The following UGT2B28 variants were observed in gnomAD, a reference collection of about 807,000 sequenced individuals.
UGT2B28 encodes UDP-glucuronosyltransferase 2B28.
In UGT2B28, 45 loss-of-function variants were observed where a neutral mutation model predicts 43.6. The ratio of observed to expected loss-of-function variants is 1.03; its 90% CI spans 0.81 to 1.32. The LOEUF is 1.32. Among genes scored for constraint, UGT2B28 ranks in the 40% most tolerant of loss-of-function variants. The pLI, the probability that UGT2B28 is intolerant of heterozygous loss-of-function variation, is 0.00. For synonymous variants in UGT2B28, 204 were observed against 208.1 expected (o/e 0.98, Z 0.17); for missense variants, 649 against 625.5 (o/e 1.04, Z -0.40).
chr4:69,282,525 A>C lies in UGT2B28; in HGVS notation c.733A>C (p.Thr245Pro), dbSNP rs2109683039. ...TTTATTCCTGTCAGGAAGACCCACT[A>C]CCTTATTTGAGACAATGGGGAAAGC... ...FYSEVLGRPT[T>P]LFETMGKADI... Residue 245 changes from threonine to proline, a missense_variant, in exon 2 of 6, where the codon ACC becomes CCC. Thr to Pro is a conservative substitution (Grantham distance 38). Coordinates refer to ENST00000335568, the MANE Select transcript of UGT2B28 (RefSeq NM_053039.2). 2 of 1,547,560 alleles carry C rather than the reference A, an allele frequency of 1.3e-6. No individual in the cohort carries two copies. The highest frequency in any genetic ancestry group is 2.4e-5 in the South Asian group (2 of 81,686).
chr4:69,293,953 G>A (rs1352410722), intron 5 of UGT2B28, among the ~76,000 whole-genome samples: 1 of 140,188 alleles, frequency 7.1e-6, no homozygotes, highest in Non-Finnish European at 1.5e-5. Context: ...AAGCCATGAG[G>A]TATGTCACTC....
At chr4:69,291,604 A>G (rs1295604611) in intron 5 of UGT2B28, among the ~76,000 whole-genome samples, 1 of 140,522 alleles carries the variant, frequency 7.1e-6, no homozygotes, top group East Asian at 2.0e-4. Context: ...GTAATATTTT[A>G]TAGTATGGAT....
chr4:69,285,159 C>T (rs1723733110), intron 2 of UGT2B28, among the ~76,000 whole-genome samples: 1 of 138,562 alleles, frequency 7.2e-6, no homozygotes, highest in Admixed American at 7.3e-5. Flanking sequence ...AATGTATATA[C>T]AATAAGATTG....
Position 69,282,565 on chromosome 4 carries a change from T to C in UGT2B28, c.773T>C (p.Met258Thr). Residue 258 changes from methionine to threonine, a missense_variant, in exon 2 of 6, where the codon ATG becomes ACG. Physicochemically the swap from Met to Thr is moderately conservative, Grantham distance 81. Transcript: ENST00000335568. ...ATGGGGAAAGCTGACATATGGCTTATGCGAAACTCCTGGAGTTTTCAATTT... is the reference window on the plus strand; with the variant it reads ...ATGGGGAAAGCTGACATATGGCTTACGCGAAACTCCTGGAGTTTTCAATTT... The part of the protein sequence containing the change: ...ETMGKADIWL[M>T]RNSWSFQFPH... The C allele has an allele frequency of 5.8e-6, 9 of 1,554,658 alleles. No homozygotes were observed. The highest frequency in any genetic ancestry group is 7.8e-6 in the Non-Finnish European group (9 of 1,153,510).
At chr4:69,284,031 C>T (rs1472694018) in intron 2 of UGT2B28, among the ~76,000 whole-genome samples, 2 of 140,450 alleles carry the variant, frequency 1.4e-5, no homozygotes, top group African/African-American at 5.6e-5. Flanking sequence ...GTATTTAAAT[C>T]ATTTCTGCAT....
At chr4:69,292,297 C>T (rs565318929) in intron 5 of UGT2B28, among the ~76,000 whole-genome samples, 6 of 139,808 alleles carry the variant, frequency 4.3e-5, no homozygotes, top group Non-Finnish European at 9.2e-5. Flanking sequence ...ATCAATTCCA[C>T]ATTTATAACT....
Position 69,282,516 on chromosome 4 carries a change from A to T in UGT2B28, c.724A>T (p.Arg242Ter), listed in dbSNP as rs780723962. Residue 242 changes from arginine to a stop codon, truncating the protein, a stop_gained and splice_region_variant, in exon 2 of 6, where the codon AGA (arginine) becomes TGA (stop). Transcript: ENST00000335568. LOFTEE classifies it high-confidence loss of function. ...TTTCTTTTCTTTATTCCTGTCAGGA[A>T]GACCCACTACCTTATTTGAGACAAT... is the stretch of plus-strand genomic sequence containing the variant. The part of the protein sequence containing the change: ...WDQFYSEVLG[R>*]PTTLFETMGK... 18 of 1,541,180 alleles carry T rather than the reference A, an allele frequency of 1.2e-5. 1 individual carries two copies. Among genetic ancestry groups the T allele is most frequent in the Non-Finnish European group, 1.6e-5 (18 of 1,150,290 alleles).
chr4:69,286,924 G>C, intron 3 of UGT2B28, 41 bp downstream of exon 3: 1 of 1,271,970 alleles, frequency 7.9e-7, no homozygotes, highest in Non-Finnish European at 1.0e-6. Flanking sequence ...ACTACTGAAA[G>C]AGGCTGTTAA....
rs754593515 is a variant in UGT2B28, at chr4:69,280,742, T to C, written c.242T>C (p.Leu81Ser). ...AAACTCGAAGTTTATCCTACATCTTTAACTAAAACTGAATTTGAGAATATC... is the reference window on the plus strand; with the variant it reads ...AAACTCGAAGTTTATCCTACATCTTCAACTAAAACTGAATTTGAGAATATC... ...TLKLEVYPTS[L>S]TKTEFENIIM... Residue 81 changes from leucine (L) to serine (S), a missense_variant, in exon 1 of 6, where the codon TTA (leucine) becomes TCA (serine). Coordinates refer to ENST00000335568, the MANE Select transcript of UGT2B28 (RefSeq NM_053039.2). 1.6e-5 allele frequency: 25 copies of C among 1,562,578 alleles called. 6 individuals are homozygous for C. Among genetic ancestry groups the C allele is most frequent in the South Asian group, 5.9e-5 (5 of 84,456 alleles).
rs187171095 is a variant in UGT2B28, at chr4:69,283,585, G to A, written c.870+923G>A. ...TTATGCCTACATTTGCTAAAATAGT[G>A]CCAACTTCATATTGTGTTGTGTGGA... On this transcript the variant is annotated intron_variant, in intron 2 of 5. Transcript: ENST00000335568. 6.7e-4 allele frequency among the ~76,000 whole-genome samples: 94 copies of A among 140,380 alleles called. 15 individuals are homozygous for A. Among genetic ancestry groups the A allele is most frequent in the African/African-American group, 2.6e-3 (93 of 36,040 alleles). 92.1% of individuals were successfully genotyped at this position (140,380 alleles called of 152,430 possible). A position where few individuals can be genotyped will look rare whatever the true frequency, so the allele number is the denominator to read the frequency against.
At position 69,294,533 on chromosome 4, in the gene UGT2B28, TAA is replaced by T; in HGVS notation, c.1316_1317del (p.Lys439ArgfsTer12). 1 of 1,539,830 alleles carries T rather than the reference TAA, an allele frequency of 6.5e-7. No individual in the cohort carries two copies. Among genetic ancestry groups the T allele is most frequent in the South Asian group, 1.2e-5 (1 of 80,750 alleles). On this transcript the variant is annotated frameshift_variant, in exon 6 of 6. Coordinates refer to ENST00000335568, the MANE Select transcript of UGT2B28 (RefSeq NM_053039.2). LOFTEE classifies it low-confidence loss of function (END_TRUNC). ...LKTVINDPSY[K>X]ENVMKLSIIQ... ...TATCTTTATTTTTATCCTTCAGATATAAAGAGAATGTTATGAAATTATCAATA... is the reference window on the plus strand; with the variant it reads ...TATCTTTATTTTTATCCTTCAGATATAGAGAATGTTATGAAATTATCAATA...
chr4:69,282,065 A>T (rs1270314439), intron 1 of UGT2B28, among the ~76,000 whole-genome samples: 1 of 140,228 alleles, frequency 7.1e-6, no homozygotes, highest in Non-Finnish European at 1.5e-5. Context: ...GTTCACTTGA[A>T]GAACCAAAGA....
At position 69,289,655 on chromosome 4, in the gene UGT2B28, A is replaced by G. The variant is rs774211537; in HGVS notation, c.1003-10A>G. The stretch of plus-strand genomic sequence containing the variant: ...ACTCATGGAATAAGATATTCTCTTT[A>G]CTGTAACAGGTTCTGTGGAGATTTG... On this transcript the variant is annotated splice_polypyrimidine_tract_variant and intron_variant, in intron 3 of 5. Transcript: ENST00000335568. 1.3e-6 allele frequency: 2 copies of G among 1,540,008 alleles called. No individual in the cohort carries two copies. Among genetic ancestry groups the G allele is most frequent in the Non-Finnish European group, 1.7e-6 (2 of 1,145,616 alleles).
chr4:69,292,055 A>C lies in UGT2B28; in HGVS notation c.1310+1244A>C, dbSNP rs569222114. Among the ~76,000 whole-genome samples the C allele has an allele frequency of 2.1e-5, 3 of 140,354 alleles. 1 individual carries two copies. The South Asian group carries it at 7.1e-4, about 33-fold the overall frequency. The allele number at this position is 140,354 out of a possible 152,430, so 92.1% of individuals were successfully genotyped here. The stretch of plus-strand genomic sequence containing the variant: ...TATTCCAACGCTTGGAACATTTTTA[A>C]CTTTTCTATTTGTCTTATTATTAAG... On this transcript the variant is annotated intron_variant, in intron 5 of 5. Coordinates refer to ENST00000335568, the MANE Select transcript of UGT2B28 (RefSeq NM_053039.2).
intron 2 of UGT2B28, among the ~76,000 whole-genome samples, chr4:69,284,095 C>T (rs189366788): frequency 5.7e-5 from 8 of 140,056 alleles, no homozygotes; most frequent in Admixed American, 1.4e-4. Context: ...TTAGAGCAGA[C>T]GATGTCTGCC....
chr4:69,290,481 G>A (rs1228002773), intron 4 of UGT2B28, 111 bp from the exon 5 acceptor site: 6 of 1,358,334 alleles, frequency 4.4e-6, no homozygotes, highest in African/African-American at 1.7e-5. Context: ...GAAAAGTAAT[G>A]GCAAATTAGT....
chr4:69,294,267 A>G (rs1358035203), intron 5 of UGT2B28, among the ~76,000 whole-genome samples: 1 of 134,358 alleles, frequency 7.4e-6, no homozygotes, highest in Non-Finnish European at 1.6e-5. Context: ...AACAATTAAA[A>G]TGCCTTATAT....
chr4:69,286,443 A>C (rs1385050108), intron 2 of UGT2B28, among the ~76,000 whole-genome samples: 1 of 138,780 alleles, frequency 7.2e-6, no homozygotes, highest in South Asian at 2.5e-4. Flanking sequence ...ATAAGTGAAG[A>C]GTCTGGGTAT....
rs574105838 is a variant in UGT2B28, at chr4:69,291,843, A to G, written c.1310+1032A>G. 3.3e-4 allele frequency among the ~76,000 whole-genome samples: 46 copies of G among 140,378 alleles called. 5 individuals carry two copies. Among genetic ancestry groups the G allele is most frequent in the Non-Finnish European group, 5.0e-4 (33 of 65,694 alleles). 92.1% of individuals were successfully genotyped at this position (140,378 alleles called of 152,430 possible). A position where few individuals can be genotyped will look rare whatever the true frequency, so the allele number is the denominator to read the frequency against. On this transcript the variant is annotated intron_variant, in intron 5 of 5. Coordinates refer to ENST00000335568, the MANE Select transcript of UGT2B28 (RefSeq NM_053039.2). ...ATTCATCACTACCATCAGCAGTACA[A>G]TATGGTTCCAATTCCTCCACACTGT...
Sources: gnomAD v4.1 joint callset for allele counts (sites outside exome capture counted in the v4.1 genomes callset) on GRCh38, gnomAD v4.1.1 for gene constraint, MANE v1.5 for transcripts, NCBI Gene and HGNC (gene_info 2026-07-23, HGNC 2026-07-21) for gene names.